Variants in PTPRK observed in about 807,000 individuals in gnomAD.
PTPRK encodes the protein protein tyrosine phosphatase receptor type K, also known as receptor-type tyrosine-protein phosphatase kappa.
A neutral mutation model predicts 178.0 loss-of-function variants in PTPRK; 75 were observed. The ratio of observed to expected loss-of-function variants is 0.42; its 90% confidence interval spans 0.35 to 0.51. PTPRK has a LOEUF of 0.51. Among genes scored for constraint, PTPRK ranks in the 20% least tolerant of loss-of-function variants. The probability of loss-of-function intolerance (pLI) is 0.02; values close to 1 mark genes in which losing one functional copy is unlikely to be tolerated. For synonymous variants in PTPRK, 637 were observed against 620.6 expected (o/e 1.03, Z -0.39); for missense variants, 1,441 against 1,797.8 (o/e 0.80, Z 3.59).
At chr6:128,372,108 C>T (rs1048626515) in intron 2 of PTPRK, among the ~76,000 whole-genome samples, 2 of 152,178 alleles carry the variant, frequency 1.3e-5, no homozygotes, top group African/African-American at 4.8e-5. Flanking sequence ...TGCTTTTTCT[C>T]TCACATCAAC....
chr6:128,005,085 T>C lies in PTPRK; in HGVS notation c.2493A>G (p.Arg831=), dbSNP rs758221523. The change falls in exon 15 of 30, where the codon AGA becomes AGG. Residue 831 remains arginine (R), a splice_region_variant and synonymous_variant. Transcript: ENST00000368226. ...TTAAAATTTTAATGAAAAACTTACATCTTGGACTAAAGTTATGTTGGTCCA... is the reference window on the plus strand; with the variant it reads ...TTAAAATTTTAATGAAAAACTTACACCTTGGACTAAAGTTATGTTGGTCCA... ...TFMDQHNFSP[R]YENHSATAES... is the part of the protein sequence containing the mutation. The C allele has an allele frequency of 6.2e-7, 1 of 1,605,906 alleles. No individual in the cohort carries two copies. The highest frequency in any genetic ancestry group is 1.1e-5 in the South Asian group (1 of 90,150).
intron 6 of PTPRK, among the ~76,000 whole-genome samples, chr6:128,202,623 G>C (rs188835717): frequency 1.3e-5 from 2 of 152,140 alleles, no homozygotes; most frequent in East Asian, 1.9e-4. Flanking sequence ...AGGCTGACAG[G>C]CTCCGTCCAC....
chr6:128,258,817 C>A (rs1817737501), intron 3 of PTPRK, among the ~76,000 whole-genome samples: 1 of 152,158 alleles, frequency 6.6e-6, no homozygotes. Context: ...GAATGACAGG[C>A]ACAAAGACTT....
At chr6:128,435,320 C>A (rs1845454771) in intron 1 of PTPRK, among the ~76,000 whole-genome samples, 1 of 152,164 alleles carries the variant, frequency 6.6e-6, no homozygotes, top group South Asian at 2.1e-4. Context: ...TCTTAGTTTG[C>A]AATGGACATC....
At chr6:128,015,934 C>T (rs1779544143) in intron 13 of PTPRK, among the ~76,000 whole-genome samples, 2 of 151,820 alleles carry the variant, frequency 1.3e-5, no homozygotes, top group Non-Finnish European at 1.5e-5. Flanking sequence ...TGATTTTTGT[C>T]ACTTCAGTAG....
At chr6:128,007,968 G>A (rs1778621548) in intron 14 of PTPRK, 2 of 987,658 alleles carry the variant, frequency 2.0e-6, no homozygotes, top group African/African-American at 3.4e-5. Flanking sequence ...ACCACAGAGG[G>A]AGACAACAGC....
chr6:128,419,351 G>A (rs1348403118), intron 1 of PTPRK, among the ~76,000 whole-genome samples: 1 of 152,262 alleles, frequency 6.6e-6, no homozygotes. Flanking sequence ...GGTGGCTCAC[G>A]CCTGTAATCC....
At chr6:128,190,496 T>A (rs894464000) in intron 6 of PTPRK, among the ~76,000 whole-genome samples, 9 of 124,722 alleles carry the variant, frequency 7.2e-5, no homozygotes, top group African/African-American at 1.0e-4. Context: ...ATACCTTTTT[T>A]TTTTTTTTTT....
At chr6:128,431,064 G>A (rs1240553980) in intron 1 of PTPRK, among the ~76,000 whole-genome samples, 1 of 150,622 alleles carries the variant, frequency 6.6e-6, no homozygotes, top group African/African-American at 2.4e-5. Flanking sequence ...TCAGCCTTCC[G>A]AGTAGCTGGG....
At chr6:128,111,919 C>A (rs1040010264) in intron 7 of PTPRK, among the ~76,000 whole-genome samples, 3 of 152,036 alleles carry the variant, frequency 2.0e-5, no homozygotes, top group African/African-American at 7.2e-5. Flanking sequence ...ATATCTAACA[C>A]ATAACAGGTG....
chr6:128,457,087 C>T (rs1848491894), intron 1 of PTPRK, among the ~76,000 whole-genome samples: 1 of 151,966 alleles, frequency 6.6e-6, no homozygotes, highest in Admixed American at 6.6e-5. Flanking sequence ...ATGACTGTAC[C>T]ATAGGAGCAG....
chr6:128,253,560 T>C (rs1816818354), intron 3 of PTPRK, among the ~76,000 whole-genome samples: 2 of 152,200 alleles, frequency 1.3e-5, no homozygotes, highest in African/African-American at 4.8e-5. Flanking sequence ...CTATTTCTCC[T>C]CACTTCTAGA....
At chr6:128,411,978 T>C (rs1842358179) in intron 1 of PTPRK, among the ~76,000 whole-genome samples, 1 of 152,250 alleles carries the variant, frequency 6.6e-6, no homozygotes, top group South Asian at 2.1e-4. Context: ...TTACAATTGA[T>C]GCTACTGGGC....
rs141577439 is a variant in PTPRK at position 127,984,933 on chromosome 6, C to G, written c.3251+788G>C. The stretch of plus-strand genomic sequence containing the variant: ...CTTCATTCTCTGCTTTTTTTCCCCT[C>G]TTTTATACATGGTTATTTAAATCCT... On this transcript the variant is annotated intron_variant, in intron 22 of 29. Transcript: ENST00000368226. Among the ~76,000 whole-genome samples the G allele has an allele frequency of 4.7e-3, 711 of 152,122 alleles. 4 individuals are homozygous for G. Among genetic ancestry groups the G allele is most frequent in the African/African-American group, 0.016 (659 of 41,522 alleles).
chr6:127,997,040 CAGGTTTATCTGTTCTGA>C, intron 16 of PTPRK, 52 bp from the exon 17 acceptor site: 2 of 1,561,888 alleles, frequency 1.3e-6, no homozygotes, highest in Non-Finnish European at 1.7e-6. Context: ...TTTTAAAAAT[CAGGTTTATCTGTTCTGA>C]AGCCCCAAAT....
chr6:128,312,350 C>T (rs185430877), intron 3 of PTPRK, among the ~76,000 whole-genome samples: 6 of 152,270 alleles, frequency 3.9e-5, no homozygotes, highest in Admixed American at 2.0e-4. Context: ...TTTCTATGCC[C>T]TGCCATGGGG....
At chr6:128,105,268 G>A (rs1789518742) in intron 7 of PTPRK, among the ~76,000 whole-genome samples, 1 of 152,020 alleles carries the variant, frequency 6.6e-6, no homozygotes, top group Non-Finnish European at 1.5e-5. Flanking sequence ...GGAGTAGCTG[G>A]GACTACAGGC....
At chr6:128,066,631 C>A (rs1173711459) in intron 12 of PTPRK, among the ~76,000 whole-genome samples, 1 of 152,032 alleles carries the variant, frequency 6.6e-6, no homozygotes, top group African/African-American at 2.4e-5. Context: ...AAAATGTCAT[C>A]ATTCTATTGG....
intron 2 of PTPRK, among the ~76,000 whole-genome samples, chr6:128,332,241 C>A (rs1290529841): frequency 6.6e-6 from 1 of 152,150 alleles, no homozygotes; most frequent in Non-Finnish European, 1.5e-5. Context: ...ACATAGGAAA[C>A]CTATGTCATA....
Sources: gnomAD v4.1 joint callset for allele counts (sites outside exome capture counted in the v4.1 genomes callset) on GRCh38, gnomAD v4.1.1 for gene constraint, MANE v1.5 for transcripts, NCBI Gene and HGNC (gene_info 2026-07-23, HGNC 2026-07-21) for gene names.